TRAM2: variants seen among roughly 807,000 people sequenced by gnomAD.
TRAM2 encodes the protein translocating chain-associated membrane protein 2.
TRAM2 carries 12 observed loss-of-function variants against 51.0 expected under a neutral mutation model. The observed-to-expected ratio is 0.24, with a 90% CI of 0.15 to 0.38. TRAM2 has a LOEUF of 0.38. Among genes scored for constraint, TRAM2 ranks in the 10% least tolerant of loss-of-function variants. The pLI is 1.00. For missense variants in TRAM2, 361 were observed against 462.0 expected, an observed-to-expected ratio of 0.78 and a Z score of 2.00; for synonymous variants, 175 against 179.4, an observed-to-expected ratio of 0.98 and a Z score of 0.20.
At position 52,576,990 on chromosome 6, in the gene TRAM2, G is replaced by C; in HGVS notation, c.-75C>G. ...CCGCAGCGCAAACTTCTCCAGCACC[G>C]GCCCGGTCCGCCCGCCGGCCCGCCG... On this transcript the variant is annotated 5_prime_UTR_variant, in exon 1 of 11. Transcript: ENST00000182527. 1.5e-6 allele frequency: 2 copies of C among 1,342,806 alleles called. No individual in the cohort carries two copies. Among genetic ancestry groups the C allele is most frequent in the Non-Finnish European group, 9.5e-7 (1 of 1,053,944 alleles). 83.2% of individuals were successfully genotyped at this position (1,342,806 alleles called of 1,614,324 possible). A position where few individuals can be genotyped will look rare whatever the true frequency, so the allele number is the denominator to read the frequency against.
At chr6:52,505,563 C>T (rs1008157765) in intron 9 of TRAM2, 36 bp downstream of exon 9, 1 of 1,572,880 alleles carries the variant, frequency 6.4e-7, no homozygotes. Flanking sequence ...TCAGGAGGCT[C>T]CCTGGCTTAT....
chr6:52,546,913 A>G (rs1314742360), intron 1 of TRAM2, among the ~76,000 whole-genome samples: 2 of 152,216 alleles, frequency 1.3e-5, no homozygotes, highest in Admixed American at 1.3e-4. Flanking sequence ...AAGTGCCTAC[A>G]ACAGCGCTTG....
intron 8 of TRAM2, 86 bp from the exon 9 acceptor site, chr6:52,505,828 G>A (rs556227693): frequency 1.3e-6 from 2 of 1,515,920 alleles, no homozygotes; most frequent in East Asian, 2.3e-5. Flanking sequence ...ACCCCGAGTG[G>A]GAAGAGGATT....
intron 4 of TRAM2, among the ~76,000 whole-genome samples, chr6:52,514,372 G>A (rs1403485699): frequency 6.6e-6 from 1 of 152,180 alleles, no homozygotes; most frequent in Non-Finnish European, 1.5e-5. Context: ...GGAGTCAAAT[G>A]TTGTTAGGAA....
Position 52,576,995 on chromosome 6 carries a change from G to C in TRAM2, c.-80C>G, listed in dbSNP as rs1018816125. 7.5e-7 allele frequency: 1 copy of C among 1,331,726 alleles called. No homozygotes were observed. The highest frequency in any genetic ancestry group is 9.5e-7 in the Non-Finnish European group (1 of 1,047,608). The allele number at this position is 1,331,726 out of a possible 1,614,324, so 82.5% of individuals were successfully genotyped here. On this transcript the variant is annotated 5_prime_UTR_variant, in exon 1 of 11. Coordinates refer to ENST00000182527, the MANE Select transcript of TRAM2 (RefSeq NM_012288.4). ...GCGCAAACTTCTCCAGCACCGGCCC[G>C]GTCCGCCCGCCGGCCCGCCGCCCGC...
chr6:52,557,192 C>CAAAAAAAAAAAAAAAAAA (rs371429027), intron 1 of TRAM2, among the ~76,000 whole-genome samples: 2 of 140,086 alleles, frequency 1.4e-5, no homozygotes. Flanking sequence ...AACTCTGTCT[C>CAAAAAAAAAAAAAAAAAA]AAAAAAAAAA....
intron 1 of TRAM2, among the ~76,000 whole-genome samples, chr6:52,536,663 G>T (rs12199572): frequency 0.22 from 33,000 of 152,020 alleles, 3,722 homozygotes; most frequent in Non-Finnish European, 0.26. Context: ...AAAATCAGGG[G>T]TGCTTGTAAT....
intron 1 of TRAM2, among the ~76,000 whole-genome samples, chr6:52,576,468 C>A (rs1268725608): frequency 1.3e-5 from 2 of 152,176 alleles, no homozygotes; most frequent in Non-Finnish European, 2.9e-5. Context: ...GAAAGGGAAC[C>A]CCACGCGTCA....
intron 1 of TRAM2, among the ~76,000 whole-genome samples, chr6:52,566,134 G>GC (rs768418663): frequency 6.6e-6 from 1 of 152,176 alleles, no homozygotes; most frequent in Non-Finnish European, 1.5e-5. Context: ...CGAAGGCAAT[G>GC]CAAGAAGGTG....
chr6:52,571,542 C>T (rs1199680267), intron 1 of TRAM2, among the ~76,000 whole-genome samples: 1 of 152,160 alleles, frequency 6.6e-6, no homozygotes, highest in Non-Finnish European at 1.5e-5. Flanking sequence ...GTGGTTTTTA[C>T]TTCTCCACAA....
intron 5 of TRAM2, among the ~76,000 whole-genome samples, chr6:52,509,009 G>A (rs889382607): frequency 1.3e-5 from 2 of 152,196 alleles, no homozygotes; most frequent in Admixed American, 6.5e-5. Context: ...ACTCCACCCT[G>A]GGCAACAAGA....
chr6:52,507,395 A>G (rs138427935), intron 7 of TRAM2, among the ~76,000 whole-genome samples, 158 bp downstream of exon 7: 20 of 152,370 alleles, frequency 1.3e-4, no homozygotes, highest in Non-Finnish European at 1.9e-4. Flanking sequence ...CACTGAAGAT[A>G]AAGAATCTTC....
chr6:52,527,709 A>G (rs1766809498), intron 2 of TRAM2, among the ~76,000 whole-genome samples: 1 of 152,184 alleles, frequency 6.6e-6, no homozygotes, highest in Non-Finnish European at 1.5e-5. Context: ...TCCACATGGA[A>G]TGGGATAAAT....
rs116191197 is a variant in TRAM2 at position 52,538,595 on chromosome 6, G to C, written c.121-2749C>G. Among the ~76,000 whole-genome samples, 246 of 152,262 alleles carry C rather than the reference G, an allele frequency of 1.6e-3. 1 individual carries two copies. Among genetic ancestry groups the C allele is most frequent in the African/African-American group, 5.9e-3 (243 of 41,536 alleles). The stretch of plus-strand genomic sequence containing the variant: ...GGAAGAGCACTGGTGTTCAACTCCG[G>C]CTGCACATTAGAATCCCTGGGGGAG... On this transcript the variant is annotated intron_variant, in intron 1 of 10. Coordinates refer to ENST00000182527, the MANE Select transcript of TRAM2 (RefSeq NM_012288.4).
rs116344508 is a variant in TRAM2 at position 52,549,662 on chromosome 6, C to T, written c.121-13816G>A. ...GATTAGAATTCCATTTATGCTGCAC[C>T]AGAAACTCCTCTTGGTCCCTGAGGG... On this transcript the variant is annotated intron_variant, in intron 1 of 10. Transcript: ENST00000182527. Among the ~76,000 whole-genome samples the T allele has an allele frequency of 2.0e-3, 306 of 152,242 alleles. 1 individual carries two copies. The highest frequency in any genetic ancestry group is 7.0e-3 in the African/African-American group (290 of 41,534).
In TRAM2 at chr6:52,518,819, A is replaced by AT. The variant is rs150126024; in HGVS notation, c.185-2083dup. Among the ~76,000 whole-genome samples the AT allele has an allele frequency of 3.3e-5, 5 of 152,362 alleles. No individual in the cohort carries two copies. In the East Asian group the frequency reaches 7.7e-4, roughly 23 times the overall value. On this transcript the variant is annotated intron_variant, in intron 2 of 10. Coordinates refer to ENST00000182527, the MANE Select transcript of TRAM2 (RefSeq NM_012288.4). ...ATAAAGAGACCAATTAGGTGGCCGCATATTTTGAAATTATAAAATAACTAA... is the reference window on the plus strand; with the variant it reads ...ATAAAGAGACCAATTAGGTGGCCGCATTATTTTGAAATTATAAAATAACTAA...
chr6:52,529,710 C>G (rs1002277974), intron 2 of TRAM2: 1 of 152,206 alleles, frequency 6.6e-6, no homozygotes, highest in Non-Finnish European at 1.5e-5. Context: ...GTGTTTCACC[C>G]AAGACCATTC....
At chr6:52,574,635 ACT>A (rs1373520255) in intron 1 of TRAM2, among the ~76,000 whole-genome samples, 1 of 151,896 alleles carries the variant, frequency 6.6e-6, no homozygotes, top group Admixed American at 6.6e-5. Flanking sequence ...GCCTTGCTAC[ACT>A]CCCCAATACA....
intron 2 of TRAM2, among the ~76,000 whole-genome samples, chr6:52,531,224 TA>T (rs1766886190): frequency 1.3e-5 from 2 of 152,112 alleles, no homozygotes; most frequent in African/African-American, 4.8e-5. Flanking sequence ...CTTGTTATTG[TA>T]AAGTGTTTTT....
Sources: allele counts gnomAD v4.1 joint callset (sites outside exome capture counted in the v4.1 genomes callset), GRCh38; gene constraint gnomAD v4.1.1; transcripts MANE v1.5; gene names NCBI Gene and HGNC (gene_info 2026-07-23, HGNC 2026-07-21).